The following ARFGEF3 variants were observed in gnomAD, a reference collection of about 807,000 sequenced individuals.
ARFGEF3 encodes the protein ARFGEF family member 3.
Under a neutral mutation model 221.7 loss-of-function variants are expected in ARFGEF3, and 96 were observed. That is an observed-to-expected ratio of 0.43 (90% CI 0.37 to 0.51). ARFGEF3 has a LOEUF of 0.51. ARFGEF3 is among the 20% of genes least tolerant of loss of function. ARFGEF3 has a pLI of 0.00. For missense variants in ARFGEF3, 2,410 were observed against 2,789.9 expected (o/e 0.86, Z 3.07); for synonymous variants, 1,145 against 1,126.8 (o/e 1.02, Z -0.32).
At chr6:138,175,418 A>G (rs879708323) in intron 2 of ARFGEF3, among the ~76,000 whole-genome samples, 1 of 152,114 alleles carries the variant, frequency 6.6e-6, no homozygotes, top group Non-Finnish European at 1.5e-5. Context: ...CCTTACATGC[A>G]TCTTTGCAGG....
Position 138,215,130 on chromosome 6 carries a change from G to T in ARFGEF3, c.351+5089G>T, listed in dbSNP as rs1028900840. ...GCCAGGCAGATTGTATAGGAGCCAT[G>T]TACGGATCTAATGACTTCTCTGACG... On this transcript the variant is annotated intron_variant, in intron 4 of 33. Coordinates refer to ENST00000251691, the MANE Select transcript of ARFGEF3 (RefSeq NM_020340.5). 9.8e-5 allele frequency among the ~76,000 whole-genome samples: 15 copies of T among 152,362 alleles called. 1 individual carries two copies. The highest frequency in any genetic ancestry group is 2.6e-4 in the Admixed American group (4 of 15,302).
intron 12 of ARFGEF3, 43 bp downstream of exon 12, chr6:138,263,654 A>C: frequency 6.6e-7 from 1 of 1,519,426 alleles, no homozygotes; most frequent in South Asian, 1.3e-5. Flanking sequence ...AAGATTATTC[A>C]GAGCAGTTTG....
chr6:138,210,961 G>A (rs1384019625), intron 4 of ARFGEF3, among the ~76,000 whole-genome samples: 1 of 152,134 alleles, frequency 6.6e-6, no homozygotes, highest in Non-Finnish European at 1.5e-5. Flanking sequence ...CCCTGTTGGT[G>A]GGTAGTTCAG....
chr6:138,326,665 G>C (rs1780131983), intron 31 of ARFGEF3, among the ~76,000 whole-genome samples: 1 of 152,174 alleles, frequency 6.6e-6, no homozygotes. Flanking sequence ...GTTGGCGGGA[G>C]TATAAATTAG....
intron 10 of ARFGEF3, among the ~76,000 whole-genome samples, chr6:138,260,468 A>G (rs189127982): frequency 4.7e-4 from 72 of 152,354 alleles, no homozygotes; most frequent in Non-Finnish European, 1.2e-4. Context: ...TACCGTATGT[A>G]TATAAAAATG....
At chr6:138,286,985 G>A in intron 16 of ARFGEF3, 69 bp downstream of exon 16, 1 of 1,583,772 alleles carries the variant, frequency 6.3e-7, no homozygotes, top group African/African-American at 1.3e-5. Context: ...CAGCAGGGTG[G>A]GGCAGGGGGA....
chr6:138,308,615 G>A, intron 23 of ARFGEF3, 124 bp from the exon 24 acceptor site: 2 of 1,058,578 alleles, frequency 1.9e-6, no homozygotes, highest in East Asian at 2.4e-5. Context: ...AAAAACCCAG[G>A]CATCTCCCCA....
chr6:138,184,727 CAG>C (rs1210246263), intron 2 of ARFGEF3, among the ~76,000 whole-genome samples: 1 of 152,182 alleles, frequency 6.6e-6, no homozygotes, highest in Non-Finnish European at 1.5e-5. Flanking sequence ...GTTGCTCTAT[CAG>C]TGTGTTCTGT....
chr6:138,190,499 C>G (rs901506024), intron 2 of ARFGEF3, among the ~76,000 whole-genome samples: 2 of 152,128 alleles, frequency 1.3e-5, no homozygotes, highest in Non-Finnish European at 2.9e-5. Context: ...GAGGTAGGGT[C>G]GTTGGCCTTG....
chr6:138,294,216 C>G (rs1779466578), intron 20 of ARFGEF3, 90 bp downstream of exon 20: 8 of 1,342,952 alleles, frequency 6.0e-6, no homozygotes, highest in Non-Finnish European at 8.2e-6. Flanking sequence ...GAAGATTTGA[C>G]TCCACATTCC....
chr6:138,270,427 G>GACACACACACACACACACACACACAC (rs3044804), intron 12 of ARFGEF3, among the ~76,000 whole-genome samples: 20 of 139,510 alleles, frequency 1.4e-4, no homozygotes, highest in Middle Eastern at 3.6e-3. Context: ...ATTTTACGTA[G>GACACACACACACACACACACACACAC]ACACACACAC....
intron 31 of ARFGEF3, among the ~76,000 whole-genome samples, chr6:138,327,721 G>A (rs2114689828): frequency 6.6e-6 from 1 of 151,522 alleles, no homozygotes; most frequent in East Asian, 1.9e-4. Flanking sequence ...TTTACTTGTA[G>A]TTAATATTAA....
intron 2 of ARFGEF3, among the ~76,000 whole-genome samples, chr6:138,192,595 G>T (rs187670295): frequency 6.6e-6 from 1 of 152,202 alleles, no homozygotes; most frequent in African/African-American, 2.4e-5. Flanking sequence ...CTAAGGGCTG[G>T]CCATGAAGCA....
chr6:138,319,792 T>C lies in ARFGEF3; in HGVS notation c.4564T>C (p.Trp1522Arg), dbSNP rs760547210. 2 of 1,613,874 alleles carry C rather than the reference T, an allele frequency of 1.2e-6. No homozygotes were observed. Among genetic ancestry groups the C allele is most frequent in the Non-Finnish European group, 1.7e-6 (2 of 1,179,856 alleles). ...LRRSHKDHSY[W>R]DMASANFKHA... ...CCGGAGCCATAAAGACCATTCCTAC[T>C]GGGATATGGCCTCTGCCAATTTCAA... The change falls in exon 28 of 34, where the codon TGG (tryptophan) becomes CGG (arginine). Residue 1522 changes from tryptophan (W) to arginine (R), a missense_variant. By Grantham distance (101) the Trp-to-Arg change is moderately radical. Transcript: ENST00000251691.
chr6:138,240,099 G>T (rs2114550296), intron 6 of ARFGEF3, among the ~76,000 whole-genome samples: 1 of 152,128 alleles, frequency 6.6e-6, no homozygotes, highest in Non-Finnish European at 1.5e-5. Flanking sequence ...TTTAACTTGA[G>T]ATATTTTTAT....
At chr6:138,317,458 T>C (rs1779946905) in intron 27 of ARFGEF3, 79 bp downstream of exon 27, 2 of 1,555,474 alleles carry the variant, frequency 1.3e-6, no homozygotes, top group Non-Finnish European at 1.8e-6. Context: ...TGCAGGTGTC[T>C]GCCTGTTTTC....
At chr6:138,171,677 T>A (rs1293487039) in intron 2 of ARFGEF3, among the ~76,000 whole-genome samples, 1 of 152,238 alleles carries the variant, frequency 6.6e-6, no homozygotes, top group East Asian at 1.9e-4. Context: ...GATAACAGTT[T>A]AATAGATTTT....
intron 6 of ARFGEF3, among the ~76,000 whole-genome samples, chr6:138,241,972 C>G (rs1778399808): frequency 6.6e-6 from 1 of 152,176 alleles, no homozygotes; most frequent in African/African-American, 2.4e-5. Flanking sequence ...GATTCTCCTA[C>G]CCTTAAATAT....
chr6:138,307,180 A>T, intron 22 of ARFGEF3, 73 bp from the exon 23 acceptor site: 1 of 1,499,894 alleles, frequency 6.7e-7, no homozygotes. Flanking sequence ...ACAGAGAAAT[A>T]CATCACCCTT....
Sources: gnomAD v4.1 joint callset for allele counts (sites outside exome capture counted in the v4.1 genomes callset) on GRCh38, gnomAD v4.1.1 for gene constraint, MANE v1.5 for transcripts, NCBI Gene and HGNC (gene_info 2026-07-23, HGNC 2026-07-21) for gene names.